CLYBL: variants seen among roughly 807,000 people sequenced by gnomAD.
The protein encoded by CLYBL is citramalyl-CoA lyase, mitochondrial.
Under a neutral mutation model 38.9 loss-of-function variants are expected in CLYBL, and 31 were observed. That is an observed-to-expected ratio of 0.80 (90% CI 0.60 to 1.08). The LOEUF (loss-of-function observed/expected upper bound fraction) is 1.08, where lower values mean the gene tolerates loss of function less well. Ranked by LOEUF, CLYBL falls within the 50% of genes least tolerant of loss-of-function variation. CLYBL has a pLI of 0.00. For synonymous variants in CLYBL, 171 were observed against 158.6 expected, an observed-to-expected ratio of 1.08 and a Z score of -0.59; for missense variants, 434 against 411.6, an observed-to-expected ratio of 1.05 and a Z score of -0.47.
chr13:99,761,923 A>T (rs1566316260), intron 1 of CLYBL, among the ~76,000 whole-genome samples: 4 of 152,166 alleles, frequency 2.6e-5, no homozygotes, highest in Non-Finnish European at 5.9e-5. Context: ...ATGACTAGTG[A>T]TGTTACCATT....
At chr13:99,709,130 G>T (rs933412857) in intron 1 of CLYBL, among the ~76,000 whole-genome samples, 10 of 152,008 alleles carry the variant, frequency 6.6e-5, no homozygotes, top group Admixed American at 6.6e-4. Flanking sequence ...ATTAGGTTGG[G>T]CACTAATCCA....
At chr13:99,743,966 C>CTTTTTTTTTTTTTTTTTTTTTTTTT (rs1162079530) in intron 1 of CLYBL, among the ~76,000 whole-genome samples, 4 of 69,180 alleles carry the variant, frequency 5.8e-5, no homozygotes, top group African/African-American at 1.2e-4. Context: ...TCTCTTCTTT[C>CTTTTTTTTTTTTTTTTTTTTTTTTT]TTTTTTTTTT....
At chr13:99,670,175 G>GGTGACA (rs532193372) in intron 1 of CLYBL, among the ~76,000 whole-genome samples, 385 of 152,172 alleles carry the variant, frequency 2.5e-3, no homozygotes, top group Non-Finnish European at 4.2e-3. Flanking sequence ...CTCCAGCCTG[G>GGTGACA]GTGACAGAGC....
chr13:99,857,651 C>T (rs182178579), intron 2 of CLYBL, among the ~76,000 whole-genome samples: 27 of 152,288 alleles, frequency 1.8e-4, no homozygotes, highest in Non-Finnish European at 1.2e-4. Context: ...TGCTTCTCCC[C>T]GCTCATAGAC....
intron 2 of CLYBL, among the ~76,000 whole-genome samples, chr13:99,848,124 T>G (rs1248855268): frequency 6.6e-6 from 1 of 152,106 alleles, no homozygotes; most frequent in Non-Finnish European, 1.5e-5. Flanking sequence ...CTGCACTTAC[T>G]GAAATCCTGT....
intron 1 of CLYBL, among the ~76,000 whole-genome samples, chr13:99,700,942 T>A (rs2139458168): frequency 6.6e-6 from 1 of 152,328 alleles, no homozygotes; most frequent in East Asian, 1.9e-4. Context: ...TTGTCAAGAT[T>A]TCTTCGTCGA....
At chr13:99,776,893 T>C (rs953562685) in intron 2 of CLYBL, among the ~76,000 whole-genome samples, 38 of 151,944 alleles carry the variant, frequency 2.5e-4, no homozygotes, top group African/African-American at 9.2e-4. Context: ...TTTTTTTTCA[T>C]AGATAGAGTT....
At chr13:99,860,898 C>T (rs550500070) in intron 3 of CLYBL, among the ~76,000 whole-genome samples, 6 of 152,198 alleles carry the variant, frequency 3.9e-5, no homozygotes, top group African/African-American at 7.2e-5. Context: ...TTGACTGGCA[C>T]GGCTTATTGG....
At chr13:99,812,772 T>G (rs1306561350) in intron 2 of CLYBL, among the ~76,000 whole-genome samples, 1 of 152,204 alleles carries the variant, frequency 6.6e-6, no homozygotes, top group South Asian at 2.1e-4. Flanking sequence ...TCACCAGTTA[T>G]GGAACTACTC....
intron 2 of CLYBL, among the ~76,000 whole-genome samples, chr13:99,815,111 C>G (rs2050417336): frequency 6.6e-6 from 1 of 152,156 alleles, no homozygotes; most frequent in South Asian, 2.1e-4. Flanking sequence ...CTCACTCTGC[C>G]TCTAGGGGAG....
intron 1 of CLYBL, among the ~76,000 whole-genome samples, chr13:99,732,937 T>G (rs977774267): frequency 1.3e-5 from 2 of 152,212 alleles, no homozygotes; most frequent in African/African-American, 4.8e-5. Flanking sequence ...TTTTTCTAAT[T>G]TTTAAAATGC....
intron 1 of CLYBL, among the ~76,000 whole-genome samples, chr13:99,679,735 T>TG (rs200650525): frequency 0.016 from 2,324 of 147,352 alleles, 36 homozygotes; most frequent in African/African-American, 0.036. Flanking sequence ...AAGGAGAGGG[T>TG]GGGGGGGGAA....
At chr13:99,795,481 C>T (rs2050003051) in intron 2 of CLYBL, among the ~76,000 whole-genome samples, 1 of 151,856 alleles carries the variant, frequency 6.6e-6, no homozygotes, top group South Asian at 2.1e-4. Context: ...TAGTGAGATC[C>T]CACCTCTACA....
In CLYBL at chr13:99,858,792, C is replaced by A. The variant is rs1225692638; in HGVS notation, c.250-69C>A. On this transcript the variant is annotated intron_variant, in intron 2 of 8. Coordinates refer to ENST00000339105, the MANE Select transcript of CLYBL (RefSeq NM_206808.5). Reference sequence around the variant, plus strand: ...AGACTCTGAATCCACATAACAGTTTCATCAACCATTTGATGGTGCTCCCCT... The same window carrying A: ...AGACTCTGAATCCACATAACAGTTTAATCAACCATTTGATGGTGCTCCCCT... 7 of 1,080,944 alleles carry A rather than the reference C, an allele frequency of 6.5e-6. No homozygotes were observed. In the African/African-American group the frequency reaches 1.1e-4, roughly 17 times the overall value. 67.0% of individuals were successfully genotyped at this position (1,080,944 alleles called of 1,614,324 possible).
chr13:99,858,449 G>A (rs947854342), intron 2 of CLYBL, among the ~76,000 whole-genome samples: 1 of 152,208 alleles, frequency 6.6e-6, no homozygotes, highest in African/African-American at 2.4e-5. Context: ...CCACAATCTA[G>A]ATGTTAGCCA....
At chr13:99,743,344 A>T (rs1257764706) in intron 1 of CLYBL, among the ~76,000 whole-genome samples, 1 of 152,176 alleles carries the variant, frequency 6.6e-6, no homozygotes, top group Non-Finnish European at 1.5e-5. Flanking sequence ...AGAGGAGAAC[A>T]CTTAGTCCCT....
intron 1 of CLYBL, among the ~76,000 whole-genome samples, chr13:99,698,712 G>A (rs1566613299): frequency 6.6e-6 from 1 of 152,172 alleles, no homozygotes; most frequent in Admixed American, 6.5e-5. Context: ...CCTGGAAGAT[G>A]ATGAAAGTAA....
intron 3 of CLYBL, among the ~76,000 whole-genome samples, chr13:99,861,338 TATTGTAAAGTGTTGACTTG>T (rs2051597178): frequency 6.6e-6 from 1 of 152,150 alleles, no homozygotes. Context: ...ACAGGGAATA[TATTGTAAAGTGTTGACTTG>T]GTTTTAAAGT....
chr13:99,710,082 G>A (rs1331877924), intron 1 of CLYBL, among the ~76,000 whole-genome samples: 13 of 152,076 alleles, frequency 8.5e-5, no homozygotes, highest in Admixed American at 6.6e-4. Context: ...CCGCCACCAA[G>A]CCCGGCTAAT....
Sources: gnomAD v4.1 joint callset for allele counts (sites outside exome capture counted in the v4.1 genomes callset) on GRCh38, gnomAD v4.1.1 for gene constraint, MANE v1.5 for transcripts, NCBI Gene and HGNC (gene_info 2026-07-23, HGNC 2026-07-21) for gene names.